PIK3R4: variants seen among roughly 807,000 people sequenced by gnomAD.
The protein encoded by PIK3R4 is phosphoinositide-3-kinase regulatory subunit 4.
In PIK3R4, 46 loss-of-function variants were observed where a neutral mutation model predicts 136.5. The ratio of observed to expected loss-of-function variants is 0.34; its 90% CI spans 0.27 to 0.43. The LOEUF (loss-of-function observed/expected upper bound fraction) is 0.43, where lower values mean the gene tolerates loss of function less well. Among genes scored for constraint, PIK3R4 ranks in the 20% least tolerant of loss-of-function variants. The probability of loss-of-function intolerance (pLI) is 1.00; values close to 1 mark genes in which losing one functional copy is unlikely to be tolerated. For missense variants in PIK3R4, 1,331 were observed against 1,649.5 expected (o/e 0.81, Z 3.35); for synonymous variants, 557 against 566.7 (o/e 0.98, Z 0.24).
At chr3:130,712,204 C>T (rs1236926075) in intron 9 of PIK3R4, among the ~76,000 whole-genome samples, 1 of 152,100 alleles carries the variant, frequency 6.6e-6, no homozygotes, top group Non-Finnish European at 1.5e-5. Flanking sequence ...AGAAACAATG[C>T]TACGCTGGTC....
chr3:130,702,013 C>T (rs1364228160), intron 13 of PIK3R4, among the ~76,000 whole-genome samples: 18 of 151,672 alleles, frequency 1.2e-4, no homozygotes, highest in Admixed American at 7.9e-4. Flanking sequence ...TGGTGGCATG[C>T]GCCTGTAGTC....
At chr3:130,702,379 T>G (rs1411708606) in intron 13 of PIK3R4, among the ~76,000 whole-genome samples, 5 of 152,100 alleles carry the variant, frequency 3.3e-5, no homozygotes, top group African/African-American at 4.8e-5. Context: ...TAAATTATGT[T>G]CTGACCAATA....
chr3:130,728,900 C>A (rs1159015942), intron 5 of PIK3R4, among the ~76,000 whole-genome samples: 1 of 152,040 alleles, frequency 6.6e-6, no homozygotes, highest in Non-Finnish European at 1.5e-5. Flanking sequence ...TCCTAACAAG[C>A]AGATGCCACA....
intron 19 of PIK3R4, among the ~76,000 whole-genome samples, chr3:130,680,060 CAAAAAA>C (rs1163413860): frequency 1.5e-4 from 10 of 65,594 alleles, no homozygotes; most frequent in African/African-American, 4.6e-4. Flanking sequence ...GACTCCATCT[CAAAAAA>C]AAAAAAAAAA....
At chr3:130,745,829 C>T (rs771385970) in intron 1 of PIK3R4, among the ~76,000 whole-genome samples, 1 of 152,108 alleles carries the variant, frequency 6.6e-6, no homozygotes, top group Non-Finnish European at 1.5e-5. Flanking sequence ...CAAGACGGGG[C>T]TGGCCAACAT....
At chr3:130,740,335 T>C (rs1348006499) in intron 2 of PIK3R4, among the ~76,000 whole-genome samples, 1 of 152,206 alleles carries the variant, frequency 6.6e-6, no homozygotes, top group Admixed American at 6.5e-5. Flanking sequence ...AGAGACATTA[T>C]TGGGTCAAAT....
chr3:130,702,046 C>T (rs139597364), intron 13 of PIK3R4, among the ~76,000 whole-genome samples: 34 of 151,816 alleles, frequency 2.2e-4, no homozygotes, highest in Non-Finnish European at 3.8e-4. Flanking sequence ...GAGGCTGAGG[C>T]GGGAGGATTG....
At chr3:130,680,503 T>C in intron 19 of PIK3R4, 110 bp downstream of exon 19, 1 of 534,870 alleles carries the variant, frequency 1.9e-6, no homozygotes, top group Non-Finnish European at 3.3e-6. Flanking sequence ...ATAAATTTCC[T>C]AAATTCAAAG....
At chr3:130,736,539 G>A (rs965795082) in intron 2 of PIK3R4, among the ~76,000 whole-genome samples, 10 of 152,036 alleles carry the variant, frequency 6.6e-5, no homozygotes, top group Admixed American at 1.3e-4. Context: ...AGCCAAGATC[G>A]TGCCATTGCA....
In PIK3R4 at chr3:130,723,413, C is replaced by G; in HGVS notation, c.1981+1G>C. 1 of 1,598,838 alleles carries G rather than the reference C, an allele frequency of 6.3e-7. No homozygotes were observed. Among genetic ancestry groups the G allele is most frequent in the South Asian group, 1.1e-5 (1 of 87,258 alleles). On this transcript the variant is annotated splice_donor_variant, in intron 7 of 19. Transcript: ENST00000356763. LOFTEE classifies it high-confidence loss of function. ...TCTAATTTTGAGAAACAGAAACTTA[C>G]CAATATCACTGGCAAATTCGTAAAC...
At chr3:130,700,535 A>G (rs1270240219) in intron 13 of PIK3R4, among the ~76,000 whole-genome samples, 1 of 152,224 alleles carries the variant, frequency 6.6e-6, no homozygotes, top group Non-Finnish European at 1.5e-5. Context: ...CTAGTCCCAA[A>G]GAGACAAACT....
rs755559646 is a variant in PIK3R4 at position 130,716,488 on chromosome 3, T to G, written c.2239A>C (p.Met747Leu). 1.2e-6 allele frequency: 2 copies of G among 1,614,088 alleles called. No individual in the cohort carries two copies. Among genetic ancestry groups the G allele is most frequent in the Non-Finnish European group, 1.7e-6 (2 of 1,179,936 alleles). ...GAACCATTTCGTTTCTTCTGACGCA[T>G]GTGAAGATGTCTGAACAAGCTAGTA... is the stretch of plus-strand genomic sequence containing the variant. Reference protein sequence around the residue: ...DITSLFRHLHMRQKKRNGSLP... With the variant: ...DITSLFRHLHLRQKKRNGSLP... The change falls in exon 9 of 20, where the codon ATG becomes CTG. Residue 747 changes from methionine to leucine, a missense_variant. Met to Leu is a conservative substitution (Grantham distance 15). Transcript: ENST00000356763.
chr3:130,744,983 T>C lies in PIK3R4; in HGVS notation c.236A>G (p.Asn79Ser), dbSNP rs745650092. ...QELEELKIRL[N>S]SAQNCLPFQK... ...GAAAGGTAGACAATTCTGTGCAGAATTAAGCCTGATTTTCAGTTCCTCCAG... is the reference window on the plus strand; with the variant it reads ...GAAAGGTAGACAATTCTGTGCAGAACTAAGCCTGATTTTCAGTTCCTCCAG... Residue 79 changes from asparagine to serine, a missense_variant, in exon 2 of 20, where the codon AAT (asparagine) becomes AGT (serine). Coordinates refer to ENST00000356763, the MANE Select transcript of PIK3R4 (RefSeq NM_014602.3). 1.9e-6 allele frequency: 3 copies of C among 1,614,106 alleles called. No individual in the cohort carries two copies. Among genetic ancestry groups the C allele is most frequent in the Admixed American group, 3.3e-5 (2 of 60,014 alleles).
At chr3:130,704,513 T>C (rs1411600129) in intron 12 of PIK3R4, among the ~76,000 whole-genome samples, 2 of 152,206 alleles carry the variant, frequency 1.3e-5, no homozygotes, top group South Asian at 2.1e-4. Context: ...CAGTAGCCCA[T>C]AGGAATTCAC....
chr3:130,745,658 C>A (rs2066848220), intron 1 of PIK3R4, among the ~76,000 whole-genome samples: 1 of 152,148 alleles, frequency 6.6e-6, no homozygotes, highest in African/African-American at 2.4e-5. Context: ...ATGAGAATTA[C>A]AAAGTTACCA....
chr3:130,744,645 T>G lies in PIK3R4; in HGVS notation c.574A>C (p.Arg192=), dbSNP rs1321481569. 6.2e-7 allele frequency: 1 copy of G among 1,614,246 alleles called. No homozygotes were observed. Among genetic ancestry groups the G allele is most frequent in the East Asian group, 2.2e-5 (1 of 44,892 alleles). Residue 192 remains arginine, a synonymous_variant, in exon 2 of 20, where the codon AGG becomes CGG. Coordinates refer to ENST00000356763, the MANE Select transcript of PIK3R4 (RefSeq NM_014602.3). ...DFNYFFDTSR[R]RTCYIAPERF... ...TCAGGAGCAATATAGCAAGTTCTCC[T>G]CCGTGATGTGTCAAAGAAATAATTG...
intron 6 of PIK3R4, 102 bp downstream of exon 6, chr3:130,728,361 T>C (rs1278146918): frequency 1.5e-6 from 1 of 682,452 alleles, no homozygotes; most frequent in East Asian, 2.9e-5. Context: ...ATTCATTTCA[T>C]TATTAATGAA....
intron 15 of PIK3R4, among the ~76,000 whole-genome samples, chr3:130,684,817 A>G (rs1430424231): frequency 6.6e-6 from 1 of 152,238 alleles, no homozygotes; most frequent in African/African-American, 2.4e-5. Context: ...TGTAGCTATC[A>G]TCAGATTTCA....
Position 130,730,458 on chromosome 3 carries a change from G to T in PIK3R4, c.1451-16C>A. 2 of 1,537,190 alleles carry T rather than the reference G, an allele frequency of 1.3e-6. No homozygotes were observed. Among genetic ancestry groups the T allele is most frequent in the Middle Eastern group, 2.0e-4 (1 of 4,938 alleles). ...GCTATGTTTTCTATAAAATAAAAAG[G>T]AAGAAAATTTATAATTACAATCTTA... On this transcript the variant is annotated splice_polypyrimidine_tract_variant and intron_variant, in intron 4 of 19. Coordinates refer to ENST00000356763, the MANE Select transcript of PIK3R4 (RefSeq NM_014602.3).
Sources: gnomAD v4.1 joint callset for allele counts (sites outside exome capture counted in the v4.1 genomes callset) on GRCh38, gnomAD v4.1.1 for gene constraint, MANE v1.5 for transcripts, NCBI Gene and HGNC (gene_info 2026-07-23, HGNC 2026-07-21) for gene names.